ANGPT1: variants seen among roughly 807,000 people sequenced by gnomAD.
ANGPT1 encodes angiopoietin-1.
A neutral mutation model predicts 62.2 loss-of-function variants in ANGPT1; 17 were observed. The ratio of observed to expected loss-of-function variants is 0.27; its 90% CI spans 0.19 to 0.41. ANGPT1 has a LOEUF of 0.41. Ranked by LOEUF, ANGPT1 falls within the 10% of genes least tolerant of loss-of-function variation. The pLI is 1.00. For synonymous variants in ANGPT1, 199 were observed against 198.9 expected, an observed-to-expected ratio of 1.00 and a Z score of 0.00; for missense variants, 478 against 594.9, an observed-to-expected ratio of 0.80 and a Z score of 2.04.
Position 107,497,143 on chromosome 8 carries a change from C to T in ANGPT1, c.297+119G>A, listed in dbSNP as rs74753089. The T allele has an allele frequency of 2.2e-3, 2,621 of 1,205,622 alleles. 38 individuals carry two copies. In the Admixed American group the frequency reaches 0.036, roughly 17 times the overall value. The allele number at this position is 1,205,622 out of a possible 1,614,324, so 74.7% of individuals were successfully genotyped here. A position where few individuals can be genotyped will look rare whatever the true frequency, so the allele number is the denominator to read the frequency against. Reference sequence around the variant, plus strand: ...CAGACAGCCGTCTTGCAATTGCAAACACTGCCCCCCTGGAGCAAAAGGTAA... The same window carrying T: ...CAGACAGCCGTCTTGCAATTGCAAATACTGCCCCCCTGGAGCAAAAGGTAA... On this transcript the variant is annotated intron_variant, in intron 1 of 8. Coordinates refer to ENST00000517746, the MANE Select transcript of ANGPT1 (RefSeq NM_001146.5).
chr8:107,414,408 T>C (rs1315819044), intron 1 of ANGPT1, among the ~76,000 whole-genome samples: 2 of 152,224 alleles, frequency 1.3e-5, no homozygotes, highest in East Asian at 1.9e-4. Flanking sequence ...GGTCATTCCA[T>C]GATGTACACA....
chr8:107,477,438 T>C (rs1812562191), intron 1 of ANGPT1, among the ~76,000 whole-genome samples: 1 of 152,206 alleles, frequency 6.6e-6, no homozygotes, highest in Admixed American at 6.5e-5. Flanking sequence ...GGCCAGCTTA[T>C]AAAGATAGAT....
At chr8:107,346,475 T>C (rs917424106) in intron 2 of ANGPT1, among the ~76,000 whole-genome samples, 2 of 152,198 alleles carry the variant, frequency 1.3e-5, no homozygotes, top group African/African-American at 2.4e-5. Context: ...TAGGTAGATA[T>C]ATGTATATAC....
chr8:107,413,553 T>G (rs1810648325), intron 1 of ANGPT1, among the ~76,000 whole-genome samples: 2 of 150,764 alleles, frequency 1.3e-5, no homozygotes, highest in South Asian at 4.2e-4. Flanking sequence ...AATATTACAT[T>G]AAATTAAAAT....
intron 1 of ANGPT1, among the ~76,000 whole-genome samples, chr8:107,454,384 G>A (rs1270439918): frequency 6.6e-6 from 1 of 151,930 alleles, no homozygotes; most frequent in Non-Finnish European, 1.5e-5. Flanking sequence ...CTATTTATTT[G>A]TTAAAATACA....
At chr8:107,325,020 T>G (rs1815253294) in intron 3 of ANGPT1, among the ~76,000 whole-genome samples, 1 of 152,178 alleles carries the variant, frequency 6.6e-6, no homozygotes, top group African/African-American at 2.4e-5. Context: ...TTAGGCAAGG[T>G]AAGCAGTGTA....
chr8:107,497,244 C>T lies in ANGPT1; in HGVS notation c.297+18G>A, dbSNP rs1256490273. ...GGAAAAAGGTCCGTGCTATTAGAAACTGAAAGCAATCACTTACTTTTTGCA... is the reference window on the plus strand; with the variant it reads ...GGAAAAAGGTCCGTGCTATTAGAAATTGAAAGCAATCACTTACTTTTTGCA... On this transcript the variant is annotated intron_variant, in intron 1 of 8. Coordinates refer to ENST00000517746, the MANE Select transcript of ANGPT1 (RefSeq NM_001146.5). 6.2e-7 allele frequency: 1 copy of T among 1,610,766 alleles called. No homozygotes were observed. Among genetic ancestry groups the T allele is most frequent in the African/African-American group, 1.3e-5 (1 of 74,820 alleles).
At chr8:107,489,004 G>C (rs144695786) in intron 1 of ANGPT1, among the ~76,000 whole-genome samples, 1 of 152,228 alleles carries the variant, frequency 6.6e-6, no homozygotes, top group East Asian at 1.9e-4. Flanking sequence ...ATCTTGAAGG[G>C]TCAAGCATTG....
At chr8:107,360,908 A>G (rs1401893466) in intron 1 of ANGPT1, among the ~76,000 whole-genome samples, 4 of 152,218 alleles carry the variant, frequency 2.6e-5, no homozygotes, top group African/African-American at 9.6e-5. Flanking sequence ...TAAATAAGAA[A>G]CATAATAATT....
intron 7 of ANGPT1, among the ~76,000 whole-genome samples, chr8:107,274,403 G>T (rs1813811112): frequency 6.6e-6 from 1 of 152,088 alleles, no homozygotes; most frequent in South Asian, 2.1e-4. Flanking sequence ...AGTTATGTAG[G>T]TAAAAGCAAA....
Position 107,264,363 on chromosome 8 carries a change from A to C in ANGPT1, c.1206-12T>G. On this transcript the variant is annotated splice_polypyrimidine_tract_variant and intron_variant, in intron 7 of 8. Coordinates refer to ENST00000517746, the MANE Select transcript of ANGPT1 (RefSeq NM_001146.5). ...CTTTTAAATACAACCTGAAGTCAAA[A>C]AGAAAAAAAAGAAAGATAAGCCATT... The C allele has an allele frequency of 6.2e-7, 1 of 1,609,926 alleles. No homozygotes were observed. The highest frequency in any genetic ancestry group is 8.5e-7 in the Non-Finnish European group (1 of 1,178,844).
intron 1 of ANGPT1, among the ~76,000 whole-genome samples, chr8:107,423,704 G>A (rs1022958885): frequency 6.6e-6 from 1 of 151,924 alleles, no homozygotes; most frequent in African/African-American, 2.4e-5. Flanking sequence ...CACAGTACTC[G>A]AAAAGGGTGT....
chr8:107,491,556 A>G (rs1046869477), intron 1 of ANGPT1, among the ~76,000 whole-genome samples: 4 of 152,186 alleles, frequency 2.6e-5, no homozygotes, highest in Non-Finnish European at 4.4e-5. Context: ...GAAGTAGCCA[A>G]CCATGCAAAG....
chr8:107,338,442 A>G (rs1718691332), intron 2 of ANGPT1, among the ~76,000 whole-genome samples: 2 of 152,238 alleles, frequency 1.3e-5, no homozygotes, highest in African/African-American at 4.8e-5. Context: ...CTAGCCCCGC[A>G]AGGGGTGGAA....
intron 1 of ANGPT1, among the ~76,000 whole-genome samples, chr8:107,477,598 T>C (rs951340548): frequency 3.3e-5 from 5 of 152,212 alleles, no homozygotes; most frequent in African/African-American, 1.2e-4. Context: ...AGTAATTTCA[T>C]ACTTATCATC....
At chr8:107,267,782 C>G (rs916099056) in intron 7 of ANGPT1, among the ~76,000 whole-genome samples, 1 of 152,132 alleles carries the variant, frequency 6.6e-6, no homozygotes, top group East Asian at 1.9e-4. Context: ...TTTCCCATGT[C>G]TCACCCACCC....
At chr8:107,324,681 A>C (rs952361132) in intron 3 of ANGPT1, among the ~76,000 whole-genome samples, 3 of 152,242 alleles carry the variant, frequency 2.0e-5, no homozygotes, top group African/African-American at 7.2e-5. Flanking sequence ...TACTCGAAGA[A>C]TATGGCAGGA....
At chr8:107,257,870 G>GTTT (rs750634420) in intron 8 of ANGPT1, among the ~76,000 whole-genome samples, 492 of 45,048 alleles carry the variant, frequency 0.011, 42 homozygotes, top group African/African-American at 0.016. Context: ...CCAAGGACTT[G>GTTT]TTTTTGTTTC....
At chr8:107,287,211 G>C (rs1390922324) in intron 6 of ANGPT1, among the ~76,000 whole-genome samples, 1 of 152,146 alleles carries the variant, frequency 6.6e-6, no homozygotes, top group Non-Finnish European at 1.5e-5. Context: ...AAAGCGCTGT[G>C]TGGATAAAAC....
Sources: gnomAD v4.1 joint callset for allele counts (sites outside exome capture counted in the v4.1 genomes callset) on GRCh38, gnomAD v4.1.1 for gene constraint, MANE v1.5 for transcripts, NCBI Gene and HGNC (gene_info 2026-07-23, HGNC 2026-07-21) for gene names.